ZNF69: variants seen among roughly 807,000 people sequenced by gnomAD.
ZNF69 encodes the protein zinc finger protein 69.
In ZNF69, 47 loss-of-function variants were observed where a neutral mutation model predicts 50.9. That is an observed-to-expected ratio of 0.92 (90% CI 0.73 to 1.18). The LOEUF (loss-of-function observed/expected upper bound fraction) is 1.18. Ranked by LOEUF, ZNF69 falls within the 50% of genes most tolerant of loss-of-function variation. The pLI, the probability that ZNF69 is intolerant of heterozygous loss-of-function variation, is 0.00. For missense variants in ZNF69, 717 were observed against 675.1 expected (o/e 1.06, Z -0.69); for synonymous variants, 216 against 223.1 (o/e 0.97, Z 0.29).
chr19:11,900,717 G>A (rs891467485), intron 1 of ZNF69, among the ~76,000 whole-genome samples: 3 of 152,032 alleles, frequency 2.0e-5, no homozygotes, highest in Admixed American at 6.6e-5. Context: ...ATACCTTTTG[G>A]GTACAAATCC....
exon 5 of ZNF69, chr19:11,913,463 G>A (rs1033239597): frequency 8.0e-5 from 39 of 488,664 alleles, no homozygotes; most frequent in Middle Eastern, 5.1e-4. Context: ...ATCTCAGGTC[G>A]CTGCAACCTC....
At chr19:11,896,114 A>G (rs1002406401) in intron 1 of ZNF69, among the ~76,000 whole-genome samples, 6 of 150,184 alleles carry the variant, frequency 4.0e-5, no homozygotes, top group East Asian at 4.0e-4. Flanking sequence ...AGCTACTTGG[A>G]AGGCTGAAAC....
chr19:11,958,526 TCA>T, the ZNF69 span, among the ~76,000 whole-genome samples: 2 of 152,334 alleles, frequency 1.3e-5, no homozygotes, highest in African/African-American at 4.8e-5. Flanking sequence ...TTCCACTGAC[TCA>T]CAGTGAGCGA....
the ZNF69 span, among the ~76,000 whole-genome samples, chr19:11,923,640 C>T: frequency 7.9e-5 from 12 of 152,228 alleles, no homozygotes; most frequent in Non-Finnish European, 1.3e-4. Context: ...CCACCTCCAC[C>T]GCGATCTGGA....
the ZNF69 span, among the ~76,000 whole-genome samples, chr19:11,974,092 T>G: frequency 7.9e-5 from 7 of 88,882 alleles, no homozygotes; most frequent in East Asian, 1.4e-3. Context: ...TTTCTTTCTT[T>G]CTTTCTTTCT....
At chr19:11,979,613 G>A in the ZNF69 span, 24 of 1,605,684 alleles carry the variant, frequency 1.5e-5, no homozygotes, top group Non-Finnish European at 2.0e-5. Flanking sequence ...GACTCACACT[G>A]GAGAGAAACC....
chr19:11,915,836 G>A (rs571209061), downstream of ZNF69, among the ~76,000 whole-genome samples: 40 of 152,278 alleles, frequency 2.6e-4, no homozygotes, highest in African/African-American at 8.7e-4. Flanking sequence ...CTCACAAGGC[G>A]GAGGTTGCAG....
chr19:11,895,645 G>A (rs1977207385), intron 1 of ZNF69, among the ~76,000 whole-genome samples: 1 of 152,168 alleles, frequency 6.6e-6, no homozygotes, highest in Admixed American at 6.5e-5. Context: ...GAAATGGGAG[G>A]AGGTGGAGAA....
At chr19:11,960,038 CTT>C in the ZNF69 span, among the ~76,000 whole-genome samples, 12 of 132,152 alleles carry the variant, frequency 9.1e-5, no homozygotes, top group African/African-American at 1.1e-4. Flanking sequence ...TTTTTTTTTT[CTT>C]TTTTTTTTTT....
Position 11,905,123 on chromosome 19 carries a change from C to T in ZNF69, c.726C>T (p.His242=). 1.9e-6 allele frequency: 3 copies of T among 1,614,208 alleles called. No individual in the cohort carries two copies. Among genetic ancestry groups the T allele is most frequent in the South Asian group, 1.1e-5 (1 of 91,086 alleles). Residue 242 remains histidine (H), a synonymous_variant, in exon 4 of 4, where the codon CAC becomes CAT. Transcript: ENST00000429654. ...LSLYLIHERI[H]TGEKPYECKQ... is the part of the protein sequence containing the mutation. Reference sequence around the variant, plus strand: ...TATATCTTATCCATGAAAGAATTCACACTGGAGAGAAACCATATGAATGTA... The same window carrying T: ...TATATCTTATCCATGAAAGAATTCATACTGGAGAGAAACCATATGAATGTA...
the ZNF69 span, among the ~76,000 whole-genome samples, chr19:11,941,315 G>A: frequency 6.6e-6 from 1 of 152,256 alleles, no homozygotes; most frequent in Non-Finnish European, 1.5e-5. Context: ...GCCCTTGGGT[G>A]GTTGATGGGA....
At chr19:11,976,150 A>G in the ZNF69 span, among the ~76,000 whole-genome samples, 1 of 149,416 alleles carries the variant, frequency 6.7e-6, no homozygotes, top group Non-Finnish European at 1.5e-5. Flanking sequence ...TTCTCTAACA[A>G]TGTCATCAAA....
the ZNF69 span, chr19:11,965,132 G>T: frequency 6.2e-7 from 1 of 1,603,130 alleles, no homozygotes; most frequent in African/African-American, 1.3e-5. Flanking sequence ...GGTTTCTATC[G>T]CTCTGTCTCC....
rs1359612440 is a variant in ZNF69, at chr19:11,905,152, A to G, written c.755A>G (p.Gln252Arg). Reference protein sequence around the residue: ...HTGEKPYECKQCGKSFSYSAT... With the variant: ...HTGEKPYECKRCGKSFSYSAT... ...GGAGAGAAACCATATGAATGTAAAC[A>G]ATGTGGTAAATCCTTTAGTTATTCT... The change falls in exon 4 of 4, where the codon CAA becomes CGA. Residue 252 changes from glutamine (Q) to arginine (R), a missense_variant. By Grantham distance (43) the Gln-to-Arg change is conservative. Coordinates refer to ENST00000429654, the MANE Select transcript of ZNF69 (RefSeq NM_001364730.1). 13 of 1,614,078 alleles carry G rather than the reference A, an allele frequency of 8.1e-6. No homozygotes were observed. The highest frequency in any genetic ancestry group is 9.3e-6 in the Non-Finnish European group (11 of 1,180,044).
the ZNF69 span, among the ~76,000 whole-genome samples, chr19:11,969,633 G>A: frequency 4.6e-5 from 7 of 152,094 alleles, no homozygotes; most frequent in African/African-American, 1.2e-4. Flanking sequence ...ATTCTCCAGG[G>A]CAACTGGTTT....
chr19:11,892,170 G>A (rs1317253), intron 1 of ZNF69, among the ~76,000 whole-genome samples: 1,924 of 143,682 alleles, frequency 0.013, 40 homozygotes, highest in African/African-American at 0.048. Context: ...TATGCAGGTG[G>A]CATCTTGATA....
At chr19:11,891,528 T>G (rs1200324534) in intron 1 of ZNF69, among the ~76,000 whole-genome samples, 1 of 152,038 alleles carries the variant, frequency 6.6e-6, no homozygotes, top group East Asian at 1.9e-4. Flanking sequence ...TGTACTAAGT[T>G]TTTCTTAGGT....
chr19:11,950,580 C>A, the ZNF69 span: 1 of 503,822 alleles, frequency 2.0e-6, no homozygotes. Context: ...GCACCTTCAA[C>A]GGCATGGAAG....
chr19:11,948,027 C>G, the ZNF69 span, among the ~76,000 whole-genome samples: 5 of 152,278 alleles, frequency 3.3e-5, 1 homozygote, highest in Admixed American at 3.3e-4. Context: ...AAATGACATA[C>G]AGTATTTAGT....
Sources: gnomAD v4.1 joint callset for allele counts (sites outside exome capture counted in the v4.1 genomes callset) on GRCh38, gnomAD v4.1.1 for gene constraint, MANE v1.5 for transcripts, NCBI Gene and HGNC (gene_info 2026-07-23, HGNC 2026-07-21) for gene names.